LMNTD1: variants seen among roughly 807,000 people sequenced by gnomAD.
LMNTD1 encodes lamin tail domain containing 1.
LMNTD1 carries 35 observed loss-of-function variants against 50.9 expected under a neutral mutation model. The ratio of observed to expected loss-of-function variants is 0.69; its 90% CI spans 0.53 to 0.91. LMNTD1 has a LOEUF of 0.91. LMNTD1 is among the 40% of genes least tolerant of loss of function. LMNTD1 has a pLI of 0.00. For synonymous variants in LMNTD1, 153 were observed against 161.9 expected (o/e 0.94, Z 0.42); for missense variants, 470 against 475.5 (o/e 0.99, Z 0.11).
intron 4 of LMNTD1, among the ~76,000 whole-genome samples, chr12:25,540,005 C>T (rs1302455121): frequency 4.8e-5 from 7 of 145,106 alleles, no homozygotes; most frequent in African/African-American, 1.8e-4. Context: ...GACACATACA[C>T]TCTCCCAAGA....
intron 1 of LMNTD1, among the ~76,000 whole-genome samples, chr12:25,646,422 T>C (rs1947072454): frequency 6.6e-6 from 1 of 152,198 alleles, no homozygotes; most frequent in Non-Finnish European, 1.5e-5. Context: ...CAGCATCTGA[T>C]CTCTCTTTCC....
chr12:25,570,608 T>G (rs1944749705), intron 1 of LMNTD1, among the ~76,000 whole-genome samples: 1 of 152,024 alleles, frequency 6.6e-6, no homozygotes, highest in Non-Finnish European at 1.5e-5. Flanking sequence ...ATGGCATGGG[T>G]GGGGAGTGCC....
chr12:25,583,271 C>T (rs1002032266), intron 1 of LMNTD1, among the ~76,000 whole-genome samples: 1 of 151,436 alleles, frequency 6.6e-6, no homozygotes. Context: ...TCGTGATCCA[C>T]CCGCCTCGGC....
intron 9 of LMNTD1, among the ~76,000 whole-genome samples, chr12:25,480,648 C>T (rs1011000189): frequency 6.6e-6 from 1 of 152,200 alleles, no homozygotes. Flanking sequence ...AAAATCCTTT[C>T]CAGAATTGAA....
chr12:25,532,497 T>G (rs1390779557), intron 4 of LMNTD1, among the ~76,000 whole-genome samples: 1 of 152,148 alleles, frequency 6.6e-6, no homozygotes, highest in African/African-American at 2.4e-5. Context: ...TAGTTGCGGC[T>G]TTCAAAATTG....
At chr12:25,546,843 TG>T (rs1166581085) in intron 3 of LMNTD1, among the ~76,000 whole-genome samples, 4 of 151,618 alleles carry the variant, frequency 2.6e-5, no homozygotes, top group African/African-American at 9.7e-5. Context: ...ATTATTTAGT[TG>T]TACTAGAAGC....
At chr12:25,642,589 G>T (rs116317296) in intron 1 of LMNTD1, among the ~76,000 whole-genome samples, 2,754 of 152,174 alleles carry the variant, frequency 0.018, 81 homozygotes, top group African/African-American at 0.062. Context: ...ATCTGTCTTT[G>T]GTCATCTCTG....
At chr12:25,633,309 A>G (rs1179840766) in intron 1 of LMNTD1, among the ~76,000 whole-genome samples, 1 of 152,188 alleles carries the variant, frequency 6.6e-6, no homozygotes, top group Admixed American at 6.6e-5. Context: ...TTTAAACTGT[A>G]TCTTGGAACA....
chr12:25,523,685 AC>A (rs748082797), intron 6 of LMNTD1, among the ~76,000 whole-genome samples: 1 of 152,192 alleles, frequency 6.6e-6, no homozygotes, highest in Non-Finnish European at 1.5e-5. Flanking sequence ...GGAACTCTAT[AC>A]TTACATTAGG....
intron 8 of LMNTD1, among the ~76,000 whole-genome samples, chr12:25,517,716 TA>T (rs1940900685): frequency 1.8e-4 from 1 of 5,598 alleles, no homozygotes; most frequent in African/African-American, 2.4e-4. Flanking sequence ...AGAATAATAA[TA>T]ATAATAATAA....
upstream of LMNTD1, among the ~76,000 whole-genome samples, chr12:25,554,618 T>C (rs181083912): frequency 4.9e-4 from 75 of 152,344 alleles, 1 homozygote; most frequent in South Asian, 8.5e-3. Flanking sequence ...TTGATAGTAG[T>C]CATTAAAGAT....
chr12:25,639,650 A>G (rs561918721), intron 1 of LMNTD1, among the ~76,000 whole-genome samples: 1 of 152,224 alleles, frequency 6.6e-6, no homozygotes, highest in African/African-American at 2.4e-5. Context: ...GACAGAAAAT[A>G]GCAAGTCTTG....
intron 1 of LMNTD1, among the ~76,000 whole-genome samples, chr12:25,647,296 C>T (rs1565536687): frequency 6.6e-6 from 1 of 152,110 alleles, no homozygotes; most frequent in Non-Finnish European, 1.5e-5. Flanking sequence ...TCAGCCTGGT[C>T]AACATGGCAA....
chr12:25,608,180 G>T (rs957080601), intron 1 of LMNTD1, among the ~76,000 whole-genome samples: 4 of 152,082 alleles, frequency 2.6e-5, no homozygotes, highest in African/African-American at 7.2e-5. Context: ...CTTTCCATTT[G>T]CTTGGTAGAT....
chr12:25,477,147 A>C (rs1938296014), intron 9 of LMNTD1, among the ~76,000 whole-genome samples: 1 of 152,222 alleles, frequency 6.6e-6, no homozygotes, highest in African/African-American at 2.4e-5. Context: ...GGAAACTGAC[A>C]GCTTTTCTAT....
chr12:25,640,704 A>C (rs1438728363), intron 1 of LMNTD1, among the ~76,000 whole-genome samples: 1 of 151,690 alleles, frequency 6.6e-6, no homozygotes, highest in East Asian at 1.9e-4. Context: ...TCTGTCGCCC[A>C]GGCCCTGGAG....
intron 8 of LMNTD1, 50 bp from the exon 9 acceptor site, chr12:25,503,850 A>G (rs1939535401): frequency 9.7e-7 from 1 of 1,029,968 alleles, no homozygotes; most frequent in Admixed American, 2.3e-5. Flanking sequence ...TAGGTAGGGA[A>G]GGGCAAGAGT....
chr12:25,630,542 A>AC (rs1565528719), intron 1 of LMNTD1: 3 of 152,114 alleles, frequency 2.0e-5, no homozygotes, highest in African/African-American at 7.2e-5. Context: ...CCAAACACAC[A>AC]CCCCCGCTGG....
rs533279790 is a variant in LMNTD1 at position 25,549,341 on chromosome 12, C to T, written c.295G>A (p.Val99Met). 7 of 1,607,956 alleles carry T rather than the reference C, an allele frequency of 4.4e-6. No individual in the cohort carries two copies. In the South Asian group the frequency reaches 7.8e-5, roughly 18 times the overall value. ...SKATVGSCSR[V>M]ENSLDASPFS... The stretch of plus-strand genomic sequence containing the variant: ...TTTTGCTTACCCAAGCTGTTTTCCA[C>T]TCTGGAACAGCTACCTACAGTAGCT... The change falls in exon 3 of 10, where the codon GTG (valine) becomes ATG (methionine). Residue 99 changes from valine (V) to methionine (M), a missense_variant. Transcript: ENST00000458174.
Sources: gnomAD v4.1 joint callset for allele counts (sites outside exome capture counted in the v4.1 genomes callset) on GRCh38, gnomAD v4.1.1 for gene constraint, MANE v1.5 for transcripts, NCBI Gene and HGNC (gene_info 2026-07-23, HGNC 2026-07-21) for gene names.